Variants in SDK2 observed in about 807,000 individuals in gnomAD.
SDK2 encodes protein sidekick-2.
A neutral mutation model predicts 253.9 loss-of-function variants in SDK2; 105 were observed. That is an observed-to-expected ratio of 0.41 (90% confidence interval 0.35 to 0.49). SDK2 has a LOEUF of 0.49. Among genes scored for constraint, SDK2 ranks in the 20% least tolerant of loss-of-function variants. The pLI, the probability that SDK2 is intolerant of heterozygous loss-of-function variation, is 0.06. For synonymous variants in SDK2, 1,249 were observed against 1,234.9 expected (o/e 1.01, Z -0.24); for missense variants, 2,608 against 3,003.0 (o/e 0.87, Z 3.07).
chr17:73,473,280 G>A (rs2063664627), intron 2 of SDK2, among the ~76,000 whole-genome samples: 1 of 152,208 alleles, frequency 6.6e-6, no homozygotes, highest in Non-Finnish European at 1.5e-5. Flanking sequence ...AGGCAAGGAG[G>A]AGGCACGTCA....
rs1191100515 is a variant in SDK2, at chr17:73,440,929, G to A, written c.614-6C>T. The A allele has an allele frequency of 2.0e-6, 3 of 1,537,610 alleles. No individual in the cohort carries two copies. The highest frequency in any genetic ancestry group is 1.8e-6 in the Non-Finnish European group (2 of 1,134,924). On this transcript the variant is annotated splice_region_variant and splice_polypyrimidine_tract_variant and intron_variant, in intron 5 of 44. Transcript: ENST00000392650. ...GTCTGCAGGCCCCCCTACATCTGGA[G>A]AGAGATCAGATGTTAGCTGGGGGCG...
Position 73,467,649 on chromosome 17 carries a change from A to G in SDK2, c.331+4463T>C, listed in dbSNP as rs2063611800. On this transcript the variant is annotated intron_variant, in intron 3 of 44. Coordinates refer to ENST00000392650, the MANE Select transcript of SDK2 (RefSeq NM_001144952.2). The surrounding 1 kb of genome is among the most constrained non-coding windows in gnomAD (Gnocchi z 4.1). ...CAGCAAGGGCATGAATGGGGGAGGT[A>G]TGCTTCTCTCCTTCCCATCCTGGCT... Among the ~76,000 whole-genome samples, 1 of 152,130 alleles carries G rather than the reference A, an allele frequency of 6.6e-6. No homozygotes were observed. The highest frequency in any genetic ancestry group is 6.5e-5 in the Admixed American group (1 of 15,268).
intron 18 of SDK2, 113 bp downstream of exon 18, chr17:73,414,531 C>A: frequency 2.5e-6 from 2 of 785,320 alleles, no homozygotes; most frequent in East Asian, 5.3e-5. Flanking sequence ...TTGACTCGAG[C>A]CAATGACTTC....
In SDK2 at chr17:73,411,158, C is replaced by A. The variant is rs554750106; in HGVS notation, c.2484+3486G>T. 1.9e-4 allele frequency among the ~76,000 whole-genome samples: 29 copies of A among 152,242 alleles called. No individual in the cohort carries two copies. The Middle Eastern group carries it at 0.01, about 54-fold the overall frequency. ...GCTCCCTGCCCTGCAAAGCTCTGCT[C>A]GACCTTGGGTTCACTGCCTTCCTGG... On this transcript the variant is annotated intron_variant, in intron 18 of 44. Transcript: ENST00000392650.
intron 1 of SDK2, among the ~76,000 whole-genome samples, chr17:73,623,426 A>T (rs1180490197): frequency 6.6e-6 from 1 of 152,094 alleles, no homozygotes; most frequent in Non-Finnish European, 1.5e-5. Context: ...TAAGTAGAGG[A>T]ATAGAAAAGC....
intron 3 of SDK2, among the ~76,000 whole-genome samples, chr17:73,460,314 C>T (rs545905746): frequency 5.9e-5 from 9 of 152,284 alleles, no homozygotes; most frequent in South Asian, 2.1e-4. Context: ...CAAACACGTG[C>T]GCCCTGAGAG....
chr17:73,557,095 C>T (rs541176818), intron 1 of SDK2, among the ~76,000 whole-genome samples: 14 of 152,288 alleles, frequency 9.2e-5, no homozygotes, highest in South Asian at 6.2e-4. Context: ...TGTATAAAAC[C>T]GAGCAAATCA....
At chr17:73,588,858 C>G (rs1464560518) in intron 1 of SDK2, among the ~76,000 whole-genome samples, 1 of 152,238 alleles carries the variant, frequency 6.6e-6, no homozygotes, top group Non-Finnish European at 1.5e-5. Context: ...GCACACTCCT[C>G]TACGTGGCGC....
chr17:73,391,082 C>T (rs890717699), intron 28 of SDK2, among the ~76,000 whole-genome samples: 3 of 152,190 alleles, frequency 2.0e-5, no homozygotes, highest in Non-Finnish European at 4.4e-5. Flanking sequence ...CCCTCCTGTG[C>T]GCCTTGAGAC....
At position 73,467,917 on chromosome 17, in the gene SDK2, T is replaced by A. The variant is rs997832083; in HGVS notation, c.331+4195A>T. Among the ~76,000 whole-genome samples, 1 of 152,178 alleles carries A rather than the reference T, an allele frequency of 6.6e-6. No individual in the cohort carries two copies. The highest frequency in any genetic ancestry group is 2.4e-5 in the African/African-American group (1 of 41,444). Reference sequence around the variant, plus strand: ...GGACAGGGGGAGGTTAACCTGGGTCTCTCTCTCTGCTCCCCCTTCAGCCAC... The same window carrying A: ...GGACAGGGGGAGGTTAACCTGGGTCACTCTCTCTGCTCCCCCTTCAGCCAC... On this transcript the variant is annotated intron_variant, in intron 3 of 44. Coordinates refer to ENST00000392650, the MANE Select transcript of SDK2 (RefSeq NM_001144952.2). The surrounding 1 kb of genome is among the most constrained non-coding windows in gnomAD (Gnocchi z 4.1).
At chr17:73,514,321 C>A (rs1366852247) in intron 1 of SDK2, among the ~76,000 whole-genome samples, 1 of 152,152 alleles carries the variant, frequency 6.6e-6, no homozygotes, top group Admixed American at 6.5e-5. Flanking sequence ...TCGCTGACTG[C>A]CATCTTCCCT....
In SDK2 at chr17:73,639,004, T is replaced by G. The variant is rs1415587113; in HGVS notation, c.64+5021A>C. ...TTTTCATTTTTAATAGAGATGGGGT[T>G]TCCCCACGTTGGCCAGGCTGGTCTC... On this transcript the variant is annotated intron_variant, in intron 1 of 44. Coordinates refer to ENST00000392650, the MANE Select transcript of SDK2 (RefSeq NM_001144952.2). This position sits in a 1 kb window ranked among gnomAD's most constrained non-coding sequence, Gnocchi z 4.3. Among the ~76,000 whole-genome samples, 1 of 152,048 alleles carries G rather than the reference T, an allele frequency of 6.6e-6. No individual in the cohort carries two copies. Among genetic ancestry groups the G allele is most frequent in the Non-Finnish European group, 1.5e-5 (1 of 68,006 alleles).
intron 1 of SDK2, among the ~76,000 whole-genome samples, chr17:73,615,715 G>C (rs960640503): frequency 3.3e-5 from 5 of 152,200 alleles, no homozygotes; most frequent in Non-Finnish European, 7.3e-5. Flanking sequence ...TGATGCACAA[G>C]CTGGTCCGAC....
intron 18 of SDK2, among the ~76,000 whole-genome samples, chr17:73,411,961 T>A (rs1224763948): frequency 1.0e-5 from 1 of 95,534 alleles, no homozygotes; most frequent in Non-Finnish European, 2.1e-5. Flanking sequence ...TGTGTATATA[T>A]ATATATACGT....
In SDK2 at chr17:73,405,934, A is replaced by T. The variant is rs180875708; in HGVS notation, c.2485-3793T>A. ...GAAACGGGGTTTCACTGTGTTAGCC[A>T]GGATGGTCTCGATTTCCTGACCTCG... On this transcript the variant is annotated intron_variant, in intron 18 of 44. Coordinates refer to ENST00000392650, the MANE Select transcript of SDK2 (RefSeq NM_001144952.2). Among the ~76,000 whole-genome samples the T allele has an allele frequency of 1.3e-5, 2 of 152,028 alleles. 1 individual carries two copies. The highest frequency in any genetic ancestry group is 1.3e-4 in the Admixed American group (2 of 15,270).
chr17:73,361,893 G>A lies in SDK2; in HGVS notation c.5306-48C>T. The A allele has an allele frequency of 4.0e-6, 6 of 1,518,236 alleles. No homozygotes were observed. Among genetic ancestry groups the A allele is most frequent in the Non-Finnish European group, 5.4e-6 (6 of 1,121,468 alleles). The allele number at this position is 1,518,236 out of a possible 1,614,324, so 94.0% of individuals were successfully genotyped here. Reference sequence around the variant, plus strand: ...GGACTGGGCACAGGGCCCACCGAGGGCACTGGAGGCCATGGGGAAGGGGAA... The same window carrying A: ...GGACTGGGCACAGGGCCCACCGAGGACACTGGAGGCCATGGGGAAGGGGAA... On this transcript the variant is annotated intron_variant, in intron 38 of 44. Transcript: ENST00000392650. The surrounding 1 kb of genome is among the most constrained non-coding windows in gnomAD (Gnocchi z 4.1).
intron 1 of SDK2, among the ~76,000 whole-genome samples, chr17:73,586,784 A>G (rs2045608837): frequency 6.6e-6 from 1 of 152,202 alleles, no homozygotes; most frequent in Non-Finnish European, 1.5e-5. Flanking sequence ...TGGCATTCTA[A>G]AGGCTTTCAG....
intron 1 of SDK2, among the ~76,000 whole-genome samples, chr17:73,535,720 C>A (rs968132469): frequency 6.6e-6 from 1 of 152,186 alleles, no homozygotes; most frequent in Admixed American, 6.5e-5. Context: ...CTCTGGCACA[C>A]CATTGCCTGC....
intron 2 of SDK2, among the ~76,000 whole-genome samples, chr17:73,486,478 T>C (rs11655854): frequency 0.43 from 65,758 of 151,332 alleles, 14,633 homozygotes; most frequent in East Asian, 0.53. Context: ...AGTGTGGAGG[T>C]ATGTGCTTGT....
Sources: gnomAD v4.1 joint callset for allele counts (sites outside exome capture counted in the v4.1 genomes callset) on GRCh38, gnomAD v4.1.1 for gene constraint, Gnocchi (gnomAD v3.1) non-coding constraint, MANE v1.5 for transcripts, NCBI Gene and HGNC (gene_info 2026-07-23, HGNC 2026-07-21) for gene names.